Variants in MAPRE1 observed in about 807,000 individuals in gnomAD.
The protein encoded by MAPRE1 is microtubule-associated protein RP/EB family member 1.
A neutral mutation model predicts 32.1 loss-of-function variants in MAPRE1; 5 were observed. That is an observed-to-expected ratio of 0.16 (90% confidence interval 0.08 to 0.33). The LOEUF is 0.33. MAPRE1 is among the 10% of genes least tolerant of loss of function. The pLI, the probability that MAPRE1 is intolerant of heterozygous loss-of-function variation, is 1.00. For missense variants in MAPRE1, 209 were observed against 327.2 expected, an observed-to-expected ratio of 0.64 and a Z score of 2.79; for synonymous variants, 122 against 118.9, an observed-to-expected ratio of 1.03 and a Z score of -0.17.
intron 5 of MAPRE1, among the ~76,000 whole-genome samples, chr20:32,846,115 A>T (rs1333004682): frequency 1.3e-5 from 2 of 152,120 alleles, no homozygotes; most frequent in Non-Finnish European, 2.9e-5. Flanking sequence ...ACTGAGACAG[A>T]TTTCTTCATA....
At chr20:32,839,602 C>T (rs898806854) in intron 4 of MAPRE1, 133 bp from the exon 5 acceptor site, 4 of 1,259,364 alleles carry the variant, frequency 3.2e-6, no homozygotes, top group Non-Finnish European at 3.3e-6. Flanking sequence ...TGCGGGGGCT[C>T]TCTAGCATTG....
rs1226718630 is a variant in MAPRE1, at chr20:32,846,804, T to C, written c.750+34T>C. The stretch of plus-strand genomic sequence containing the variant: ...TTGACATGAGGATATTTTCTTTCCA[T>C]TTTACATAGAAGGGTTGGTGAACTC... On this transcript the variant is annotated intron_variant, in intron 6 of 6. Coordinates refer to ENST00000375571, the MANE Select transcript of MAPRE1 (RefSeq NM_012325.3). The C allele has an allele frequency of 2.5e-6, 4 of 1,608,046 alleles. No individual in the cohort carries two copies. In the South Asian group the frequency reaches 4.4e-5, roughly 18 times the overall value.
At chr20:32,821,187 T>C (rs1446972569) in intron 1 of MAPRE1, among the ~76,000 whole-genome samples, 2 of 152,206 alleles carry the variant, frequency 1.3e-5, no homozygotes, top group East Asian at 3.9e-4. Flanking sequence ...GGCTAATTGT[T>C]GTATTTTTTA....
At position 32,848,922 on chromosome 20, in the gene MAPRE1, TA is replaced by T. The variant is rs1983577571; in HGVS notation, c.*195del. On this transcript the variant is annotated 3_prime_UTR_variant, in exon 7 of 7. Transcript: ENST00000375571. ...GTTTGAGTTAGGAGCTTTTACCTTGTAGCAGAGCAGTATTAACACCTAGTTG... is the reference window on the plus strand; with the variant it reads ...GTTTGAGTTAGGAGCTTTTACCTTGTGCAGAGCAGTATTAACACCTAGTTG... 2.0e-6 allele frequency: 1 copy of T among 501,640 alleles called. No individual in the cohort carries two copies. Among genetic ancestry groups the T allele is most frequent in the African/African-American group, 1.9e-5 (1 of 51,368 alleles). The allele number at this position is 501,640 out of a possible 1,614,324, so 31.1% of individuals were successfully genotyped here. A position where few individuals can be genotyped will look rare whatever the true frequency, so the allele number is the denominator to read the frequency against.
Position 32,833,734 on chromosome 20 carries a change from T to C in MAPRE1, c.139T>C (p.Phe47Leu). 1 of 1,613,366 alleles carries C rather than the reference T, an allele frequency of 6.2e-7. No individual in the cohort carries two copies. The highest frequency in any genetic ancestry group is 8.5e-7 in the Non-Finnish European group (1 of 1,179,768). The change falls in exon 3 of 7, where the codon TTT (phenylalanine) becomes CTT (leucine). Residue 47 changes from phenylalanine (F) to leucine (L), a missense_variant. Around this residue, in one of 3 missense-constraint regions of MAPRE1, gnomAD observed 67 missense variants for 140.0 expected, o/e 0.48. Coordinates refer to ENST00000375571, the MANE Select transcript of MAPRE1 (RefSeq NM_012325.3). ...QLCSGAAYCQ[F>L]MDMLFPGSIA... ...TCTTTCAGGGGCTGCGTATTGTCAG[T>C]TTATGGACATGCTGTTCCCTGGCTC...
chr20:32,846,542 T>C, intron 5 of MAPRE1, 76 bp from the exon 6 acceptor site: 1 of 1,407,868 alleles, frequency 7.1e-7, no homozygotes, highest in South Asian at 1.2e-5. Flanking sequence ...ACATCTCCTT[T>C]TGGGTTAGAA....
intron 1 of MAPRE1, among the ~76,000 whole-genome samples, chr20:32,820,493 C>A (rs970622844): frequency 2.0e-5 from 3 of 152,106 alleles, no homozygotes; most frequent in Non-Finnish European, 2.9e-5. Flanking sequence ...GGTGCTTTAA[C>A]CGCTGTGGAT....
chr20:32,846,296 A>G (rs1196786822), intron 5 of MAPRE1, among the ~76,000 whole-genome samples: 2 of 152,136 alleles, frequency 1.3e-5, no homozygotes, highest in Non-Finnish European at 2.9e-5. Flanking sequence ...GACTCAGTTT[A>G]TGATTGTCAG....
intron 1 of MAPRE1, among the ~76,000 whole-genome samples, chr20:32,821,271 C>T (rs941477763): frequency 6.6e-6 from 1 of 152,230 alleles, no homozygotes; most frequent in Non-Finnish European, 1.5e-5. Flanking sequence ...TCCGCCTCGG[C>T]CTCCAAAGTG....
At chr20:32,844,271 T>C (rs1348277427) in intron 5 of MAPRE1, among the ~76,000 whole-genome samples, 3 of 152,050 alleles carry the variant, frequency 2.0e-5, no homozygotes, top group African/African-American at 4.8e-5. Context: ...TGTATAGTTA[T>C]GAGCAATATC....
intron 6 of MAPRE1, among the ~76,000 whole-genome samples, chr20:32,848,080 T>C (rs1037268299): frequency 2.0e-5 from 3 of 152,078 alleles, no homozygotes; most frequent in South Asian, 2.1e-4. Flanking sequence ...GATCTCACTT[T>C]ATTGCCCAGG....
At chr20:32,846,030 A>G (rs1044381692) in intron 5 of MAPRE1, among the ~76,000 whole-genome samples, 2 of 152,216 alleles carry the variant, frequency 1.3e-5, no homozygotes, top group African/African-American at 2.4e-5. Context: ...AAGATGCCCC[A>G]TGGTTAAAGT....
At chr20:32,835,697 C>T (rs1337399621) in intron 3 of MAPRE1, among the ~76,000 whole-genome samples, 1 of 151,600 alleles carries the variant, frequency 6.6e-6, no homozygotes, top group Non-Finnish European at 1.5e-5. Flanking sequence ...CCTCCACCTC[C>T]CGGGTTCAAG....
intron 1 of MAPRE1, among the ~76,000 whole-genome samples, chr20:32,824,551 A>G (rs1476529869): frequency 6.6e-6 from 1 of 152,240 alleles, no homozygotes; most frequent in Non-Finnish European, 1.5e-5. Flanking sequence ...CAGATGCCCT[A>G]CCATTGCCAG....
At chr20:32,847,305 C>A (rs1197634913) in intron 6 of MAPRE1, among the ~76,000 whole-genome samples, 4 of 152,320 alleles carry the variant, frequency 2.6e-5, no homozygotes, top group African/African-American at 7.2e-5. Context: ...ACAGTCAAAT[C>A]TGTTGATATT....
At chr20:32,831,292 A>C (rs1983015202) in intron 2 of MAPRE1, among the ~76,000 whole-genome samples, 2 of 152,140 alleles carry the variant, frequency 1.3e-5, no homozygotes. Flanking sequence ...AAAGAAAAAG[A>C]AACATGAAGA....
At chr20:32,831,740 G>A (rs565488745) in intron 2 of MAPRE1, among the ~76,000 whole-genome samples, 48 of 151,830 alleles carry the variant, frequency 3.2e-4, no homozygotes, top group African/African-American at 1.0e-3. Flanking sequence ...TCATCATGTT[G>A]GTCAGGCTGG....
rs1410909223 is a variant in MAPRE1, at chr20:32,836,795, T to G, written c.429T>G (p.Ala143=). Reference sequence around the variant, plus strand: ...CTGCAGTGGCTCCTTCCCTTGTTGCTCCAGCTCTGAATAAACCGAAGAAAC... The same window carrying G: ...CTGCAGTGGCTCCTTCCCTTGTTGCGCCAGCTCTGAATAAACCGAAGAAAC... ...QETAVAPSLV[A]PALNKPKKPL... Residue 143 remains alanine (A), a synonymous_variant, in exon 4 of 7, where the codon GCT becomes GCG. Coordinates refer to ENST00000375571, the MANE Select transcript of MAPRE1 (RefSeq NM_012325.3). 3 of 1,614,134 alleles carry G rather than the reference T, an allele frequency of 1.9e-6. No homozygotes were observed. Among genetic ancestry groups the G allele is most frequent in the Non-Finnish European group, 2.5e-6 (3 of 1,180,014 alleles).
At chr20:32,825,764 TG>T (rs1982828232) in intron 1 of MAPRE1, among the ~76,000 whole-genome samples, 160 bp from the exon 2 acceptor site, 1 of 152,090 alleles carries the variant, frequency 6.6e-6, no homozygotes, top group African/African-American at 2.4e-5. Flanking sequence ...CACTCCAGCC[TG>T]GGCGACAGAG....
Sources: allele counts gnomAD v4.1 joint callset (sites outside exome capture counted in the v4.1 genomes callset), GRCh38; gene constraint gnomAD v4.1.1; regional missense constraint gnomAD v4.1.1; transcripts MANE v1.5; gene names NCBI Gene and HGNC (gene_info 2026-07-23, HGNC 2026-07-21).